Variants in RALGPS1 observed in about 807,000 individuals in gnomAD.
The protein encoded by RALGPS1 is Ral GEF with PH domain and SH3 binding motif 1, also known as ras-specific guanine nucleotide-releasing factor RalGPS1.
RALGPS1 carries 19 observed loss-of-function variants against 78.8 expected under a neutral mutation model. The observed-to-expected ratio is 0.24, with a 90% CI of 0.17 to 0.35. The LOEUF (loss-of-function observed/expected upper bound fraction) is 0.35, where lower values mean the gene tolerates loss of function less well. RALGPS1 is among the 10% of genes least tolerant of loss of function. The pLI, the probability that RALGPS1 is intolerant of heterozygous loss-of-function variation, is 1.00. For synonymous variants in RALGPS1, 228 were observed against 256.3 expected, an observed-to-expected ratio of 0.89 and a Z score of 1.06; for missense variants, 454 against 688.3, an observed-to-expected ratio of 0.66 and a Z score of 3.81.
intron 8 of RALGPS1, among the ~76,000 whole-genome samples, chr9:127,103,044 T>A (rs1472874789): frequency 6.6e-6 from 1 of 152,202 alleles, no homozygotes; most frequent in African/African-American, 2.4e-5. Context: ...CTCTCTGCAG[T>A]GCTTGGGCCT....
At chr9:127,104,048 A>G (rs939612301) in intron 8 of RALGPS1, among the ~76,000 whole-genome samples, 1 of 152,190 alleles carries the variant, frequency 6.6e-6, no homozygotes, top group African/African-American at 2.4e-5. Flanking sequence ...TGCCACCAAC[A>G]GGCTCTGTTA....
At chr9:127,202,122 G>C (rs769505117) in intron 14 of RALGPS1, among the ~76,000 whole-genome samples, 5 of 152,150 alleles carry the variant, frequency 3.3e-5, no homozygotes, top group Non-Finnish European at 5.9e-5. Flanking sequence ...TAATAAGCCT[G>C]CCCAGGCTAG....
chr9:127,130,074 C>T (rs2056902330), intron 8 of RALGPS1, among the ~76,000 whole-genome samples: 1 of 152,204 alleles, frequency 6.6e-6, no homozygotes, highest in African/African-American at 2.4e-5. Context: ...CGTGTGTCAC[C>T]AGCTCCCTCC....
At chr9:126,926,709 G>A (rs2035312788) in intron 1 of RALGPS1, among the ~76,000 whole-genome samples, 2 of 152,106 alleles carry the variant, frequency 1.3e-5, no homozygotes, top group African/African-American at 4.8e-5. Context: ...GGAGGATGAT[G>A]GTGTGAAAGG....
At chr9:127,151,409 T>C (rs939534026) in intron 8 of RALGPS1, among the ~76,000 whole-genome samples, 8 of 152,236 alleles carry the variant, frequency 5.3e-5, no homozygotes, top group African/African-American at 1.9e-4. Context: ...GCAATTGACA[T>C]ATCATCAGAT....
At chr9:127,177,383 T>A (rs1359108194) in intron 11 of RALGPS1, among the ~76,000 whole-genome samples, 1 of 152,172 alleles carries the variant, frequency 6.6e-6, no homozygotes, top group Non-Finnish European at 1.5e-5. Context: ...AGCCTGGCTC[T>A]CCCTGGCACC....
intron 8 of RALGPS1, among the ~76,000 whole-genome samples, chr9:127,084,838 G>A (rs1463943638): frequency 1.3e-5 from 2 of 152,268 alleles, no homozygotes; most frequent in African/African-American, 2.4e-5. Context: ...TCAGATAAAA[G>A]TGAGGCAGAA....
chr9:127,040,940 T>C (rs2047235290), intron 5 of RALGPS1, among the ~76,000 whole-genome samples: 1 of 152,116 alleles, frequency 6.6e-6, no homozygotes, highest in Non-Finnish European at 1.5e-5. Context: ...TTACCATCCA[T>C]GGTTTGTTCA....
intron 8 of RALGPS1, among the ~76,000 whole-genome samples, chr9:127,148,586 G>A (rs1384127225): frequency 1.3e-4 from 20 of 152,220 alleles, no homozygotes; most frequent in Admixed American, 1.3e-3. Context: ...CACATGAGGT[G>A]AGAGCACATG....
intron 14 of RALGPS1, among the ~76,000 whole-genome samples, chr9:127,203,905 G>A (rs1216980206): frequency 6.6e-6 from 1 of 152,224 alleles, no homozygotes; most frequent in East Asian, 1.9e-4. Context: ...GGGACAGATG[G>A]CCCAGGGCTT....
At chr9:127,068,154 C>T (rs532562776) in intron 7 of RALGPS1, among the ~76,000 whole-genome samples, 1 of 152,258 alleles carries the variant, frequency 6.6e-6, no homozygotes, top group South Asian at 2.1e-4. Flanking sequence ...CTAAGTTGCC[C>T]CTTCGATGAC....
chr9:127,026,238 G>C (rs1462035242), intron 4 of RALGPS1, among the ~76,000 whole-genome samples: 4 of 152,142 alleles, frequency 2.6e-5, no homozygotes, highest in Non-Finnish European at 4.4e-5. Flanking sequence ...AGGCTGGAGG[G>C]CTAGGCCAGT....
At chr9:127,038,355 A>G (rs1356884354) in intron 5 of RALGPS1, among the ~76,000 whole-genome samples, 2 of 152,236 alleles carry the variant, frequency 1.3e-5, no homozygotes, top group East Asian at 1.9e-4. Flanking sequence ...AAGTGAAACA[A>G]CTTGCTCAAA....
At chr9:127,136,746 A>C (rs1245476866) in intron 8 of RALGPS1, among the ~76,000 whole-genome samples, 2 of 151,852 alleles carry the variant, frequency 1.3e-5, no homozygotes, top group African/African-American at 2.4e-5. Flanking sequence ...GACCTGGTGC[A>C]TACCTGGTTT....
intron 8 of RALGPS1, among the ~76,000 whole-genome samples, chr9:127,134,848 T>C (rs2057286005): frequency 6.6e-6 from 1 of 152,248 alleles, no homozygotes; most frequent in Non-Finnish European, 1.5e-5. Flanking sequence ...TTATAATGTC[T>C]GTCAGAGTAA....
At chr9:127,123,485 CT>C (rs778707066) in intron 8 of RALGPS1, among the ~76,000 whole-genome samples, 1 of 152,178 alleles carries the variant, frequency 6.6e-6, no homozygotes, top group Non-Finnish European at 1.5e-5. Context: ...TCAAGGACGC[CT>C]CCTTGAACTG....
chr9:126,970,322 G>A (rs2039981249), intron 3 of RALGPS1, among the ~76,000 whole-genome samples: 1 of 152,198 alleles, frequency 6.6e-6, no homozygotes, highest in Admixed American at 6.5e-5. Context: ...AGCAGAATAA[G>A]CACTGGGGTA....
intron 8 of RALGPS1, among the ~76,000 whole-genome samples, chr9:127,131,679 A>G (rs189347235): frequency 2.7e-4 from 41 of 152,306 alleles, no homozygotes; most frequent in Non-Finnish European, 5.1e-4. Context: ...ACAGCTTCCC[A>G]GCAGTGTGAG....
At chr9:126,959,156 G>C (rs1288180556) in intron 1 of RALGPS1, among the ~76,000 whole-genome samples, 1 of 151,646 alleles carries the variant, frequency 6.6e-6, no homozygotes, top group East Asian at 1.9e-4. Context: ...CCGCTTCTTG[G>C]GTTCAGGCGA....
Sources: allele counts gnomAD v4.1 joint callset (sites outside exome capture counted in the v4.1 genomes callset), GRCh38; gene constraint gnomAD v4.1.1; transcripts MANE v1.5; gene names NCBI Gene and HGNC (gene_info 2026-07-23, HGNC 2026-07-21).